Variants in SLC27A6 observed in about 807,000 individuals in gnomAD.
The protein encoded by SLC27A6 is solute carrier family 27 member 6, also known as long-chain fatty acid transport protein 6.
Under a neutral mutation model 63.9 loss-of-function variants are expected in SLC27A6, and 74 were observed. The observed-to-expected ratio is 1.16, with a 90% confidence interval of 0.96 to 1.40. SLC27A6 has a LOEUF of 1.40. Among genes scored for constraint, SLC27A6 ranks in the 40% most tolerant of loss-of-function variants. SLC27A6 has a pLI of 0.00. For synonymous variants in SLC27A6, 287 were observed against 260.8 expected, an observed-to-expected ratio of 1.10 and a Z score of -0.97; for missense variants, 794 against 732.9, an observed-to-expected ratio of 1.08 and a Z score of -0.96.
intron 1 of SLC27A6, among the ~76,000 whole-genome samples, chr5:128,972,130 C>T (rs145938907): frequency 0.24 from 36,635 of 152,046 alleles, 4,964 homozygotes; most frequent in Middle Eastern, 0.33. Flanking sequence ...GCCAAGAGAT[C>T]AGCTGTTAGT....
intron 9 of SLC27A6, among the ~76,000 whole-genome samples, chr5:129,030,154 C>A (rs191796189): frequency 6.9e-4 from 105 of 152,078 alleles, no homozygotes; most frequent in African/African-American, 2.2e-3. Context: ...TGTCCAAATT[C>A]CCCCTCACCT....
chr5:128,991,147 T>C (rs1412257423), intron 4 of SLC27A6, among the ~76,000 whole-genome samples: 2 of 152,188 alleles, frequency 1.3e-5, no homozygotes, highest in Non-Finnish European at 2.9e-5. Context: ...TGCTCTCAGG[T>C]GATAGATGAT....
chr5:128,973,059 C>G (rs191386037), intron 1 of SLC27A6, among the ~76,000 whole-genome samples: 210 of 152,272 alleles, frequency 1.4e-3, no homozygotes, highest in Middle Eastern at 3.4e-3. Context: ...TGCTGGAGGT[C>G]CACTCCAGAC....
chr5:129,023,700 T>G lies in SLC27A6; in HGVS notation c.1245T>G (p.His415Gln), dbSNP rs1329034842. Residue 415 changes from histidine to glutamine, a missense_variant, in exon 6 of 10, where the codon CAT becomes CAG. Transcript: ENST00000262462. ...GAAATGAGCAGGGTTGGTGTATTCA[T>G]GTGAAAAAAGGTAAGACTTCTATTT... Reference protein sequence around the residue: ...PMRNEQGWCIHVKKGEPGLLI... With the variant: ...PMRNEQGWCIQVKKGEPGLLI... 1.2e-6 allele frequency: 2 copies of G among 1,605,960 alleles called. No individual in the cohort carries two copies. The highest frequency in any genetic ancestry group is 1.7e-6 in the Non-Finnish European group (2 of 1,175,582).
intron 4 of SLC27A6, among the ~76,000 whole-genome samples, chr5:129,006,071 G>GTTTTTTTTTTTTGTTTTT (rs1751514544): frequency 1.7e-5 from 1 of 60,144 alleles, no homozygotes; most frequent in Admixed American, 2.7e-4. Flanking sequence ...TGTGCACACT[G>GTTTTTTTTTTTTGTTTTT]TTTTTTTTTT....
Position 128,968,755 on chromosome 5 carries a change from C to T in SLC27A6, c.481+2137C>T, listed in dbSNP as rs1272020805. Among the ~76,000 whole-genome samples, 5 of 151,886 alleles carry T rather than the reference C, an allele frequency of 3.3e-5. No homozygotes were observed. The East Asian group carries it at 7.7e-4, about 23-fold the overall frequency. On this transcript the variant is annotated intron_variant, in intron 1 of 9. Transcript: ENST00000262462. ...GGCAGTTTCTTTTGCTGTACAGAAGCTCTTTAGTTTAATTAGATCCCATTT... is the reference window on the plus strand; with the variant it reads ...GGCAGTTTCTTTTGCTGTACAGAAGTTCTTTAGTTTAATTAGATCCCATTT...
chr5:129,006,071 G>GTTTTTTTTTTTTGTTTTTTTTTTTTTTTT (rs1751514544), intron 4 of SLC27A6, among the ~76,000 whole-genome samples: 1 of 60,146 alleles, frequency 1.7e-5, no homozygotes, highest in East Asian at 1.6e-3. Flanking sequence ...TGTGCACACT[G>GTTTTTTTTTTTTGTTTTTTTTTTTTTTTT]TTTTTTTTTT....
chr5:128,996,645 G>T (rs1199112879), intron 4 of SLC27A6, among the ~76,000 whole-genome samples: 2 of 152,028 alleles, frequency 1.3e-5, no homozygotes, highest in African/African-American at 4.8e-5. Flanking sequence ...TGGAACACAA[G>T]AAGTGATTTA....
Position 128,987,337 on chromosome 5 carries a change from A to G in SLC27A6, c.686-1263A>G, listed in dbSNP as rs149021098. Among the ~76,000 whole-genome samples the G allele has an allele frequency of 1.3e-4, 20 of 152,276 alleles. No individual in the cohort carries two copies. The East Asian group carries it at 3.3e-3, about 25-fold the overall frequency. On this transcript the variant is annotated intron_variant, in intron 2 of 9. Coordinates refer to ENST00000262462, the MANE Select transcript of SLC27A6 (RefSeq NM_001017372.3). ...CCTGGACAGTGAAACCAACTAGTAA[A>G]TAAGTATTCTTCAGACACAGAGATT...
chr5:128,968,730 G>A (rs1399320177), intron 1 of SLC27A6, among the ~76,000 whole-genome samples: 2 of 151,990 alleles, frequency 1.3e-5, no homozygotes, highest in Admixed American at 1.3e-4. Context: ...TCACTCTGAT[G>A]GCAGTTTCTT....
At chr5:128,985,787 G>A (rs1395805034) in intron 2 of SLC27A6, among the ~76,000 whole-genome samples, 4 of 152,140 alleles carry the variant, frequency 2.6e-5, no homozygotes, top group African/African-American at 7.2e-5. Flanking sequence ...CTTGAAAACA[G>A]TTCTCTATAT....
At chr5:129,030,828 A>T (rs1752393615) in intron 9 of SLC27A6, among the ~76,000 whole-genome samples, 1 of 151,962 alleles carries the variant, frequency 6.6e-6, no homozygotes, top group African/African-American at 2.4e-5. Flanking sequence ...ACTTACACTT[A>T]TATGTGTGCG....
intron 4 of SLC27A6, among the ~76,000 whole-genome samples, chr5:129,006,071 GTTTT>G (rs4068575): frequency 3.0e-4 from 18 of 60,138 alleles, no homozygotes; most frequent in South Asian, 1.0e-3. Context: ...TGTGCACACT[GTTTT>G]TTTTTTTTTT....
intron 5 of SLC27A6, among the ~76,000 whole-genome samples, chr5:129,021,609 CACAT>C (rs1752078096): frequency 6.6e-6 from 1 of 152,140 alleles, no homozygotes; most frequent in Non-Finnish European, 1.5e-5. Context: ...TACACATATA[CACAT>C]ACATAAACAT....
chr5:129,028,317 TA>T (rs1752310922), intron 7 of SLC27A6, 27 bp from the exon 8 acceptor site: 8 of 1,483,764 alleles, frequency 5.4e-6, no homozygotes, highest in Non-Finnish European at 7.5e-6. Flanking sequence ...ACAGGTGCAC[TA>T]ACTGGAATTT....
chr5:128,970,439 T>G (rs1750101477), intron 1 of SLC27A6, among the ~76,000 whole-genome samples: 1 of 152,342 alleles, frequency 6.6e-6, no homozygotes. Flanking sequence ...TTTCAGAGCC[T>G]GTTATTGGTC....
intron 4 of SLC27A6, among the ~76,000 whole-genome samples, chr5:129,006,071 G>GTTTGTTTTTT (rs1751514069): frequency 1.7e-5 from 1 of 60,150 alleles, no homozygotes; most frequent in African/African-American, 8.3e-5. Flanking sequence ...TGTGCACACT[G>GTTTGTTTTTT]TTTTTTTTTT....
chr5:129,023,604 A>T lies in SLC27A6; in HGVS notation c.1165-16A>T, dbSNP rs555857209. 17 of 1,318,980 alleles carry T rather than the reference A, an allele frequency of 1.3e-5. No homozygotes were observed. The Admixed American group carries it at 3.5e-4, about 27-fold the overall frequency. 81.7% of individuals were successfully genotyped at this position (1,318,980 alleles called of 1,614,324 possible). On this transcript the variant is annotated splice_polypyrimidine_tract_variant and intron_variant, in intron 5 of 9. Coordinates refer to ENST00000262462, the MANE Select transcript of SLC27A6 (RefSeq NM_001017372.3). ...CTAAATGCTTGTTTCTATTTGTTTGATTTTTTTTTTTGCAGCTTCTTTCCA... is the reference window on the plus strand; with the variant it reads ...CTAAATGCTTGTTTCTATTTGTTTGTTTTTTTTTTTTGCAGCTTCTTTCCA...
chr5:129,020,027 A>G (rs1283511338), intron 5 of SLC27A6, among the ~76,000 whole-genome samples: 1 of 152,122 alleles, frequency 6.6e-6, no homozygotes, highest in Non-Finnish European at 1.5e-5. Flanking sequence ...AAAATTATGA[A>G]ACAAAAAGAA....
Sources: gnomAD v4.1 joint callset for allele counts (sites outside exome capture counted in the v4.1 genomes callset) on GRCh38, gnomAD v4.1.1 for gene constraint, MANE v1.5 for transcripts, NCBI Gene and HGNC (gene_info 2026-07-23, HGNC 2026-07-21) for gene names.